Variants in SORBS2 observed in about 807,000 individuals in gnomAD.
The protein encoded by SORBS2 is sorbin and SH3 domain-containing protein 2.
In SORBS2, 46 loss-of-function variants were observed where a neutral mutation model predicts 97.7. The ratio of observed to expected loss-of-function variants is 0.47; its 90% CI spans 0.37 to 0.60. The LOEUF (loss-of-function observed/expected upper bound fraction) is 0.60. Ranked by LOEUF, SORBS2 falls within the 20% of genes least tolerant of loss-of-function variation. The probability of loss-of-function intolerance (pLI) is 0.00; values close to 1 mark genes in which losing one functional copy is unlikely to be tolerated. For missense variants in SORBS2, 1,316 were observed against 1,282.3 expected (o/e 1.03, Z -0.40); for synonymous variants, 476 against 473.4 (o/e 1.01, Z -0.07).
rs372271322 is a variant in SORBS2, at chr4:185,868,147, CTTTT to C, written c.-338+88045_-338+88048del. ...TCTACTTTCCTTTCTCTTTTCTTTT[CTTTT>C]TTTCTTTCTTTTTTTTTTTTTTTGA... On this transcript the variant is annotated intron_variant, in intron 1 of 20. Transcript: ENST00000284776. Among the ~76,000 whole-genome samples, 221 of 89,622 alleles carry C rather than the reference CTTTT, an allele frequency of 2.5e-3. 4 individuals are homozygous for C. Among genetic ancestry groups the C allele is most frequent in the Admixed American group, 3.8e-3 (33 of 8,664 alleles). The allele number at this position is 89,622 out of a possible 152,430, so 58.8% of individuals were successfully genotyped here.
intron 1 of SORBS2, among the ~76,000 whole-genome samples, chr4:185,946,196 T>C (rs1303024387): frequency 4.7e-5 from 1 of 21,374 alleles, no homozygotes; most frequent in South Asian, 1.8e-3. Context: ...GTTGGGGGGG[T>C]GGGTGGGGAA....
intron 4 of SORBS2, among the ~76,000 whole-genome samples, chr4:185,639,616 T>C (rs2097094117): frequency 6.6e-6 from 1 of 152,210 alleles, no homozygotes; most frequent in African/African-American, 2.4e-5. Context: ...TAAAGTACTA[T>C]ATACAAGTTA....
At chr4:185,811,255 G>A (rs2099182291) in intron 1 of SORBS2, among the ~76,000 whole-genome samples, 1 of 152,120 alleles carries the variant, frequency 6.6e-6, no homozygotes, top group South Asian at 2.1e-4. Context: ...TCATTTACGA[G>A]GCTTAAAAAG....
chr4:185,623,435 C>T lies in SORBS2; in HGVS notation c.1694G>A (p.Cys565Tyr). Residue 565 changes from cysteine (C) to tyrosine (Y), a missense_variant, in exon 7 of 15, where the codon TGC becomes TAC. Transcript: ENST00000418609. This position sits in a 1 kb window ranked among gnomAD's most constrained non-coding sequence, Gnocchi z 6.4. ...GGTAAATCGAGTGTAGGAGGCCGGG[C>T]ACCTGCCTTTGCAGGAGCTGATGAG... 2 of 1,611,584 alleles carry T rather than the reference C, an allele frequency of 1.2e-6. No homozygotes were observed. Among genetic ancestry groups the T allele is most frequent in the Non-Finnish European group, 1.7e-6 (2 of 1,179,988 alleles).
intron 1 of SORBS2, among the ~76,000 whole-genome samples, chr4:185,913,392 G>A (rs1045554094): frequency 6.6e-6 from 1 of 152,108 alleles, no homozygotes; most frequent in Admixed American, 6.5e-5. Flanking sequence ...CCTTGATTTA[G>A]GTTGACCTGA....
chr4:185,929,102 C>T (rs918458142), intron 1 of SORBS2, among the ~76,000 whole-genome samples: 1 of 152,146 alleles, frequency 6.6e-6, no homozygotes, highest in East Asian at 1.9e-4. Context: ...TCTTTTTCCA[C>T]CTATAGAAAG....
At chr4:185,850,766 G>A (rs954017693) in intron 1 of SORBS2, among the ~76,000 whole-genome samples, 3 of 152,286 alleles carry the variant, frequency 2.0e-5, no homozygotes, top group East Asian at 3.9e-4. Flanking sequence ...CTGGTGAAAC[G>A]TGATTTCTGA....
chr4:185,907,453 A>G (rs1378310822), intron 1 of SORBS2, among the ~76,000 whole-genome samples: 1 of 152,220 alleles, frequency 6.6e-6, no homozygotes, highest in African/African-American at 2.4e-5. Context: ...TACCGTCTTT[A>G]TAACATAATT....
At chr4:185,796,491 GGCTGGGC>G (rs2099105346) in intron 1 of SORBS2, among the ~76,000 whole-genome samples, 2 of 147,576 alleles carry the variant, frequency 1.4e-5, no homozygotes, top group Admixed American at 1.3e-4. Flanking sequence ...GTCACGGTGA[GGCTGGGC>G]ATGCCTGGGC....
In SORBS2 at chr4:185,950,179, G is replaced by A. The variant is rs182676321; in HGVS notation, c.-338+6017C>T. Reference sequence around the variant, plus strand: ...AGGCAGGAGAATCGTTTGAACCCAGGAGGCGGAGGTTGCAGCGAGCCGAGA... The same window carrying A: ...AGGCAGGAGAATCGTTTGAACCCAGAAGGCGGAGGTTGCAGCGAGCCGAGA... On this transcript the variant is annotated intron_variant, in intron 1 of 20. Transcript: ENST00000284776. 1.4e-4 allele frequency among the ~76,000 whole-genome samples: 22 copies of A among 151,890 alleles called. 1 individual carries two copies. The South Asian group carries it at 3.9e-3, about 27-fold the overall frequency.
In SORBS2 at chr4:185,623,863, C is replaced by A. The variant is rs375392374; in HGVS notation, c.1266G>T (p.Gln422His). 1.9e-5 allele frequency: 31 copies of A among 1,614,082 alleles called. No homozygotes were observed. The highest frequency in any genetic ancestry group is 2.5e-5 in the Non-Finnish European group (30 of 1,180,044). Reference sequence around the variant, plus strand: ...CTAAATTTGGCATGGATTTGGACTTCTGGATCAGCTTTTCGAATTCGGAGA... The same window carrying A: ...CTAAATTTGGCATGGATTTGGACTTATGGATCAGCTTTTCGAATTCGGAGA... The change falls in exon 7 of 15, where the codon CAG becomes CAT. Residue 422 changes from glutamine (Q) to histidine (H), a missense_variant. By Grantham distance (24) the Gln-to-His change is conservative (BLOSUM62 0). Coordinates refer to ENST00000418609, the Ensembl canonical transcript of SORBS2. This position sits in a 1 kb window ranked among gnomAD's most constrained non-coding sequence, Gnocchi z 6.4.
rs140486536 is a variant in SORBS2 at position 185,649,294 on chromosome 4, G to T, written c.281+173C>A. Among the ~76,000 whole-genome samples, 223 of 152,220 alleles carry T rather than the reference G, an allele frequency of 1.5e-3. 1 individual carries two copies. Among genetic ancestry groups the T allele is most frequent in the Non-Finnish European group, 2.3e-3 (156 of 68,012 alleles). On this transcript the variant is annotated intron_variant, in intron 3 of 14. Coordinates refer to ENST00000418609, the Ensembl canonical transcript of SORBS2. The stretch of plus-strand genomic sequence containing the variant: ...CTCCAGTATCATGAAAGAAGACAGG[G>T]AAAACATTTGCTACAATCCCAGCAG...
chr4:185,745,673 T>A (rs2098755427), intron 2 of SORBS2, among the ~76,000 whole-genome samples: 2 of 152,232 alleles, frequency 1.3e-5, no homozygotes, highest in South Asian at 4.1e-4. Flanking sequence ...TAAATATTAT[T>A]TCCACAGCCA....
chr4:185,921,169 G>T (rs115051747), intron 1 of SORBS2, among the ~76,000 whole-genome samples: 2,605 of 152,286 alleles, frequency 0.017, 69 homozygotes, highest in African/African-American at 0.059. Context: ...AATTTTCCAT[G>T]GTTCCCATTC....
In SORBS2 at chr4:185,764,780, A is replaced by G. The variant is rs183277769; in HGVS notation, c.-198+10447T>C. 1.5e-3 allele frequency among the ~76,000 whole-genome samples: 225 copies of G among 152,308 alleles called. 1 individual carries two copies. Among genetic ancestry groups the G allele is most frequent in the Admixed American group, 2.5e-3 (38 of 15,300 alleles). On this transcript the variant is annotated intron_variant, in intron 2 of 20. Transcript: ENST00000284776. ...TTCAAATGATGAAGAGAATAATATA[A>G]CAAATGTCCATGTACCCATCATTTA...
At chr4:185,719,547 A>G (rs1311682741) in intron 2 of SORBS2, among the ~76,000 whole-genome samples, 1 of 152,244 alleles carries the variant, frequency 6.6e-6, no homozygotes, top group Non-Finnish European at 1.5e-5. Context: ...AAAAAGTGCT[A>G]TGCTTCAAGA....
chr4:185,938,413 C>G (rs2099270160), intron 1 of SORBS2, among the ~76,000 whole-genome samples: 1 of 151,592 alleles, frequency 6.6e-6, no homozygotes, highest in Non-Finnish European at 1.5e-5. Flanking sequence ...CACACACACA[C>G]ACACACACAC....
rs10560938 is a variant in SORBS2 at position 185,854,785 on chromosome 4, A to AAGAGAGAG, written c.-337-79427_-337-79420dup. ...AGAAGCTGCACAAAGAGAAATAGAG[A>AAGAGAGAG]AGAGAGAGAGAGAGAGAGAGAGAGA... On this transcript the variant is annotated intron_variant, in intron 1 of 20. Coordinates refer to the SORBS2 transcript ENST00000284776. 3.8e-3 allele frequency among the ~76,000 whole-genome samples: 576 copies of AAGAGAGAG among 149,766 alleles called. 10 individuals are homozygous for AAGAGAGAG. Among genetic ancestry groups the AAGAGAGAG allele is most frequent in the East Asian group, 0.038 (189 of 5,024 alleles).
At chr4:185,938,551 C>CTG (rs1359409285) in intron 1 of SORBS2, among the ~76,000 whole-genome samples, 1 of 152,078 alleles carries the variant, frequency 6.6e-6, no homozygotes, top group Non-Finnish European at 1.5e-5. Context: ...GTAATCTCAC[C>CTG]ATTCATCACC....
Sources: gnomAD v4.1 joint callset for allele counts (sites outside exome capture counted in the v4.1 genomes callset) on GRCh38, gnomAD v4.1.1 for gene constraint, Gnocchi (gnomAD v3.1) non-coding constraint, MANE v1.5 for transcripts, NCBI Gene and HGNC (gene_info 2026-07-23, HGNC 2026-07-21) for gene names.